ARL5B: variants seen among roughly 807,000 people sequenced by gnomAD.
The protein encoded by ARL5B is ARF like GTPase 5B.
A neutral mutation model predicts 26.9 loss-of-function variants in ARL5B; 10 were observed. The ratio of observed to expected loss-of-function variants is 0.37; its 90% CI spans 0.23 to 0.63. The LOEUF is 0.63. Ranked by LOEUF, ARL5B falls within the 30% of genes least tolerant of loss-of-function variation. The pLI, the probability that ARL5B is intolerant of heterozygous loss-of-function variation, is 0.62. For synonymous variants in ARL5B, 87 were observed against 70.4 expected (o/e 1.24, Z -1.18); for missense variants, 167 against 213.9 (o/e 0.78, Z 1.37).
chr10:18,675,038 A>G, intron 5 of ARL5B, 130 bp from the exon 6 acceptor site: 1 of 673,250 alleles, frequency 1.5e-6, no homozygotes, highest in Non-Finnish European at 2.5e-6. Context: ...GTGTGACTTG[A>G]ATGTTGACAC....
chr10:18,679,536 G>A lies in ARL5B; in HGVS notation c.*4320G>A, dbSNP rs1282142206. ...TTACTGTGAAGACTGAAATCCAAAA[G>A]CCAGGTTCCCCAAAAAAGTATTTTT... On this transcript the variant is annotated 3_prime_UTR_variant, in exon 6 of 6. Coordinates refer to ENST00000377275, the MANE Select transcript of ARL5B (RefSeq NM_178815.5). 1 of 151,718 alleles carries A rather than the reference G, an allele frequency of 6.6e-6. No homozygotes were observed. Among genetic ancestry groups the A allele is most frequent in the Non-Finnish European group, 1.5e-5 (1 of 67,800 alleles). 9.4% of individuals were successfully genotyped at this position (151,718 alleles called of 1,614,324 possible). A position where few individuals can be genotyped will look rare whatever the true frequency, so the allele number is the denominator to read the frequency against.
chr10:18,672,589 A>C (rs1400480439), intron 3 of ARL5B, 33 bp from the exon 4 acceptor site: 1 of 1,546,910 alleles, frequency 6.5e-7, no homozygotes, highest in Admixed American at 1.8e-5. Context: ...CATCCCATTC[A>C]ATTTTCTGTC....
Position 18,680,542 on chromosome 10 carries a change from T to C in ARL5B, c.*5326T>C, listed in dbSNP as rs924311617. ...GACTTATTTGCATATTTAAGCCCTA[T>C]TCACAAGAGACCATAATCATTTTAA... On this transcript the variant is annotated 3_prime_UTR_variant, in exon 6 of 6. Transcript: ENST00000377275. The C allele has an allele frequency of 6.6e-6, 1 of 152,080 alleles. No homozygotes were observed. The highest frequency in any genetic ancestry group is 1.5e-5 in the Non-Finnish European group (1 of 67,950). 9.4% of individuals were successfully genotyped at this position (152,080 alleles called of 1,614,324 possible).
chr10:18,679,797 A>C lies in ARL5B; in HGVS notation c.*4581A>C, dbSNP rs1385289688. The C allele has an allele frequency of 1.3e-5, 2 of 151,930 alleles. No individual in the cohort carries two copies. The highest frequency in any genetic ancestry group is 3.2e-3 in the Middle Eastern group (1 of 316). The allele number at this position is 151,930 out of a possible 1,614,324, so 9.4% of individuals were successfully genotyped here. A position where few individuals can be genotyped will look rare whatever the true frequency, so the allele number is the denominator to read the frequency against. On this transcript the variant is annotated 3_prime_UTR_variant, in exon 6 of 6. Transcript: ENST00000377275. ...AAAGACAATATCATGAGGTCGAAAA[A>C]ACTTCAAAAGGATATTAGGTAAGAG...
chr10:18,670,515 G>A (rs1244657092), intron 3 of ARL5B, among the ~76,000 whole-genome samples: 3 of 152,166 alleles, frequency 2.0e-5, no homozygotes, highest in Non-Finnish European at 4.4e-5. Context: ...AGAGGCTGAG[G>A]CATGAGAATC....
At chr10:18,666,685 G>T (rs377629823) in intron 2 of ARL5B, 50 bp downstream of exon 2, 57 of 1,447,290 alleles carry the variant, frequency 3.9e-5, no homozygotes, top group Non-Finnish European at 5.2e-5. Context: ...TGAAACTAAT[G>T]TGTTTACAAT....
rs769922477 is a variant in ARL5B at position 18,668,527 on chromosome 10, C to T, written c.108-3C>T. The stretch of plus-strand genomic sequence containing the variant: ...AGCTTTTACGGTGTCTGTTTTTCAA[C>T]AGCTTAATGAATGAAGTGGTTCATA... On this transcript the variant is annotated splice_region_variant and splice_polypyrimidine_tract_variant and intron_variant, in intron 2 of 5. Transcript: ENST00000377275. 13 of 1,612,828 alleles carry T rather than the reference C, an allele frequency of 8.1e-6. No individual in the cohort carries two copies. Among genetic ancestry groups the T allele is most frequent in the South Asian group, 2.2e-5 (2 of 90,712 alleles).
intron 5 of ARL5B, 89 bp downstream of exon 5, chr10:18,674,224 C>T: frequency 8.0e-7 from 1 of 1,242,382 alleles, no homozygotes; most frequent in East Asian, 2.6e-5. Context: ...GGGTCCTGTT[C>T]CTTTTCTGTT....
rs1226634293 is a variant in ARL5B, at chr10:18,679,730, G to A, written c.*4514G>A. 2 of 151,828 alleles carry A rather than the reference G, an allele frequency of 1.3e-5. No individual in the cohort carries two copies. Among genetic ancestry groups the A allele is most frequent in the African/African-American group, 2.4e-5 (1 of 41,382 alleles). The allele number at this position is 151,828 out of a possible 1,614,324, so 9.4% of individuals were successfully genotyped here. ...ACATTTGGGAAATATTAATTTGGAG[G>A]TTTAGAAGCATACGAAAAACAAATT... On this transcript the variant is annotated 3_prime_UTR_variant, in exon 6 of 6. Coordinates refer to ENST00000377275, the MANE Select transcript of ARL5B (RefSeq NM_178815.5).
At chr10:18,668,281 GTTTCC>G (rs1408670287) in intron 2 of ARL5B, among the ~76,000 whole-genome samples, 2 of 151,586 alleles carry the variant, frequency 1.3e-5, no homozygotes, top group African/African-American at 4.8e-5. Flanking sequence ...ACACCACACT[GTTTCC>G]TTTCTTTTCC....
rs2636185 is a variant in ARL5B, at chr10:18,679,176, A to G, written c.*3960A>G. ...AGCTGAATAGAAATAGCTAATGACA[A>G]TGCAAAAGAGAAAACAAGCCATATT... On this transcript the variant is annotated 3_prime_UTR_variant, in exon 6 of 6. Transcript: ENST00000377275. 5 of 151,978 alleles carry G rather than the reference A, an allele frequency of 3.3e-5. No individual in the cohort carries two copies. The highest frequency in any genetic ancestry group is 4.8e-5 in the African/African-American group (2 of 41,448). The allele number at this position is 151,978 out of a possible 1,614,324, so 9.4% of individuals were successfully genotyped here. A position where few individuals can be genotyped will look rare whatever the true frequency, so the allele number is the denominator to read the frequency against.
rs1332648901 is a variant in ARL5B at position 18,677,678 on chromosome 10, C to T, written c.*2462C>T. On this transcript the variant is annotated 3_prime_UTR_variant, in exon 6 of 6. Coordinates refer to ENST00000377275, the MANE Select transcript of ARL5B (RefSeq NM_178815.5). ...TTGTAAATCAGTGAACTGTAAGATA[C>T]TGTCTAAAAAATGTACATTTGTAAT... 1 of 152,254 alleles carries T rather than the reference C, an allele frequency of 6.6e-6. No homozygotes were observed. The highest frequency in any genetic ancestry group is 6.6e-5 in the Admixed American group (1 of 15,240). The allele number at this position is 152,254 out of a possible 1,614,324, so 9.4% of individuals were successfully genotyped here. A position where few individuals can be genotyped will look rare whatever the true frequency, so the allele number is the denominator to read the frequency against.
chr10:18,672,677 A>G lies in ARL5B; in HGVS notation c.311A>G (p.Glu104Gly), dbSNP rs1036700453. The G allele has an allele frequency of 5.6e-6, 9 of 1,610,710 alleles. No individual in the cohort carries two copies. Among genetic ancestry groups the G allele is most frequent in the Non-Finnish European group, 7.6e-6 (9 of 1,178,190 alleles). Residue 104 changes from glutamate (E) to glycine (G), a missense_variant, in exon 4 of 6, where the codon GAA becomes GGA. Coordinates refer to ENST00000377275, the MANE Select transcript of ARL5B (RefSeq NM_178815.5). ...AGGGAACGACTAGCTATTACAAAAG[A>G]AGAATTATACAGAATGTTGGCTCAT... ...IDRERLAITK[E>G]ELYRMLAHED...
intron 2 of ARL5B, 104 bp downstream of exon 2, chr10:18,666,739 A>ATGTTTTT: frequency 2.0e-6 from 2 of 1,017,562 alleles, no homozygotes; most frequent in Non-Finnish European, 1.4e-6. Context: ...ACTTAAATAT[A>ATGTTTTT]TGTTTTTTGT....
In ARL5B at chr10:18,676,467, TA is replaced by T. The variant is rs781190794; in HGVS notation, c.*1255del. 2.6e-5 allele frequency: 4 copies of T among 152,006 alleles called. No homozygotes were observed. Among genetic ancestry groups the T allele is most frequent in the Non-Finnish European group, 5.9e-5 (4 of 67,874 alleles). 9.4% of individuals were successfully genotyped at this position (152,006 alleles called of 1,614,324 possible). On this transcript the variant is annotated 3_prime_UTR_variant, in exon 6 of 6. Transcript: ENST00000377275. ...CAAAAGTTTATTTATTGGATGGCAT[TA>T]AAACATTTTTGAGGCAGTTGTCTAA...
chr10:18,675,212 G>A lies in ARL5B; in HGVS notation c.536G>A (p.Arg179Lys). The change falls in exon 6 of 6, where the codon AGA becomes AAA. Residue 179 changes from arginine to lysine, a missense_variant. Coordinates refer to ENST00000377275, the MANE Select transcript of ARL5B (RefSeq NM_178815.5). Reference sequence around the variant, plus strand: ...TGGATGACCTCCCGGATTGGTGTGAGATAACTTTTTTGCTTGAAAGAGACT... The same window carrying A: ...TGGATGACCTCCCGGATTGGTGTGAAATAACTTTTTTGCTTGAAAGAGACT... ...LEWMTSRIGV[R>K] The A allele has an allele frequency of 6.2e-7, 1 of 1,613,378 alleles. No homozygotes were observed. The highest frequency in any genetic ancestry group is 8.5e-7 in the Non-Finnish European group (1 of 1,179,408).
Position 18,681,492 on chromosome 10 carries a change from C to T in ARL5B, c.*6276C>T, listed in dbSNP as rs1367691205. The T allele has an allele frequency of 1.3e-5, 2 of 152,024 alleles. No individual in the cohort carries two copies. The highest frequency in any genetic ancestry group is 4.8e-5 in the African/African-American group (2 of 41,394). 9.4% of individuals were successfully genotyped at this position (152,024 alleles called of 1,614,324 possible). A position where few individuals can be genotyped will look rare whatever the true frequency, so the allele number is the denominator to read the frequency against. ...GAGTTGTTTGCATGCCTACTTAACC[C>T]AAGTAAAACGATGCTGTTTGCTCTG... On this transcript the variant is annotated 3_prime_UTR_variant, in exon 6 of 6. Transcript: ENST00000377275.
In ARL5B at chr10:18,668,387, A is replaced by C; in HGVS notation, c.108-143A>C. 6.6e-6 allele frequency: 5 copies of C among 758,786 alleles called. 1 individual carries two copies. The highest frequency in any genetic ancestry group is 1.0e-5 in the Non-Finnish European group (5 of 496,484). 47.0% of individuals were successfully genotyped at this position (758,786 alleles called of 1,614,324 possible). A position where few individuals can be genotyped will look rare whatever the true frequency, so the allele number is the denominator to read the frequency against. The stretch of plus-strand genomic sequence containing the variant: ...TGTTATCTAGATATTGATTTGCGCA[A>C]GTGTTCTCCAGGTTTATAATTTTCA... On this transcript the variant is annotated intron_variant, in intron 2 of 5. Coordinates refer to ENST00000377275, the MANE Select transcript of ARL5B (RefSeq NM_178815.5).
At position 18,677,917 on chromosome 10, in the gene ARL5B, G is replaced by C. The variant is rs1164277630; in HGVS notation, c.*2701G>C. 1 of 151,758 alleles carries C rather than the reference G, an allele frequency of 6.6e-6. No individual in the cohort carries two copies. 9.4% of individuals were successfully genotyped at this position (151,758 alleles called of 1,614,324 possible). ...AGGAGACTGTTCTACCTTTTAATTT[G>C]AAAACAAGGAAATTAAATTTTAACA... On this transcript the variant is annotated 3_prime_UTR_variant, in exon 6 of 6. Coordinates refer to ENST00000377275, the MANE Select transcript of ARL5B (RefSeq NM_178815.5).
Sources: allele counts gnomAD v4.1 joint callset (sites outside exome capture counted in the v4.1 genomes callset), GRCh38; gene constraint gnomAD v4.1.1; transcripts MANE v1.5; gene names NCBI Gene and HGNC (gene_info 2026-07-23, HGNC 2026-07-21).